Variants in CSTA observed in about 807,000 individuals in gnomAD.
CSTA encodes the protein cystatin-A.
CSTA carries 9 observed loss-of-function variants against 9.2 expected under a neutral mutation model. The ratio of observed to expected loss-of-function variants is 0.97; its 90% confidence interval spans 0.59 to 1.70. The LOEUF (loss-of-function observed/expected upper bound fraction) is 1.70, where lower values mean the gene tolerates loss of function less well. CSTA is among the 40% of genes most tolerant of loss of function. CSTA has a pLI of 0.00. For synonymous variants in CSTA, 36 were observed against 40.6 expected, an observed-to-expected ratio of 0.89 and a Z score of 0.43; for missense variants, 118 against 113.1, an observed-to-expected ratio of 1.04 and a Z score of -0.20.
chr3:122,325,383 A>T, intron 1 of CSTA, 25 bp downstream of exon 1: 1 of 1,609,670 alleles, frequency 6.2e-7, no homozygotes, highest in Non-Finnish European at 8.5e-7. Context: ...TTCAGGAAAA[A>T]GTCTGAGCCA....
intron 1 of CSTA, among the ~76,000 whole-genome samples, chr3:122,328,189 G>A (rs1285531718): frequency 1.3e-5 from 2 of 152,132 alleles, no homozygotes; most frequent in African/African-American, 4.8e-5. Flanking sequence ...ATGAAACCAA[G>A]ATTCAAAGAG....
intron 2 of CSTA, among the ~76,000 whole-genome samples, chr3:122,339,849 G>A (rs2075255770): frequency 6.6e-6 from 1 of 152,132 alleles, no homozygotes; most frequent in African/African-American, 2.4e-5. Context: ...TCCCCGATCA[G>A]TACCCCCCAA....
Position 122,340,027 on chromosome 3 carries a change from G to A in CSTA, c.169-1412G>A, listed in dbSNP as rs138213343. On this transcript the variant is annotated intron_variant, in intron 2 of 2. Transcript: ENST00000264474. Reference sequence around the variant, plus strand: ...ATTTCATTGCTCCACTTTTCTTCAGGCCTATAATATAGGTTAATATAATCA... The same window carrying A: ...ATTTCATTGCTCCACTTTTCTTCAGACCTATAATATAGGTTAATATAATCA... Among the ~76,000 whole-genome samples the A allele has an allele frequency of 5.3e-3, 803 of 152,194 alleles. 7 individuals are homozygous for A. The highest frequency in any genetic ancestry group is 9.0e-3 in the Non-Finnish European group (612 of 68,014).
chr3:122,340,273 C>A (rs1265569099), intron 2 of CSTA, among the ~76,000 whole-genome samples: 3 of 152,030 alleles, frequency 2.0e-5, no homozygotes, highest in African/African-American at 4.8e-5. Flanking sequence ...ACCTTCCTAC[C>A]AATGACTTCC....
intron 1 of CSTA, among the ~76,000 whole-genome samples, chr3:122,333,952 G>C (rs924959477): frequency 6.6e-6 from 1 of 152,130 alleles, no homozygotes; most frequent in Non-Finnish European, 1.5e-5. Flanking sequence ...GGATACTTTG[G>C]GGGTTAGTGT....
chr3:122,333,499 A>T (rs113987863), intron 1 of CSTA, among the ~76,000 whole-genome samples: 1 of 149,550 alleles, frequency 6.7e-6, no homozygotes, highest in Admixed American at 6.8e-5. Flanking sequence ...TGACAGAGCA[A>T]GACTCCATGA....
In CSTA at chr3:122,325,306, G is replaced by C. The variant is rs367941220; in HGVS notation, c.14G>C (p.Gly5Ala). 9.9e-6 allele frequency: 16 copies of C among 1,612,804 alleles called. No homozygotes were observed. The highest frequency in any genetic ancestry group is 5.4e-5 in the African/African-American group (4 of 74,762). The change falls in exon 1 of 3, where the codon GGC (glycine) becomes GCC (alanine). Residue 5 changes from glycine to alanine, a missense_variant. Physicochemically the swap from Gly to Ala is moderately conservative, Grantham distance 60. Transcript: ENST00000264474. ...CAATCAGCCAAAATGATACCTGGAGGCTTATCTGAGGCCAAACCCGCCACT... is the reference window on the plus strand; with the variant it reads ...CAATCAGCCAAAATGATACCTGGAGCCTTATCTGAGGCCAAACCCGCCACT... MIPG[G>A]LSEAKPATPE...
At chr3:122,338,484 A>G in intron 2 of CSTA, among the ~76,000 whole-genome samples, 1 of 132,072 alleles carries the variant, frequency 7.6e-6, no homozygotes, top group Non-Finnish European at 1.6e-5. Context: ...TAAACATTTT[A>G]AAAGATTTTT....
chr3:122,333,730 G>GAA (rs869158187), intron 1 of CSTA, among the ~76,000 whole-genome samples: 47 of 111,054 alleles, frequency 4.2e-4, no homozygotes, highest in African/African-American at 1.7e-3. Context: ...GAGAAAGAAA[G>GAA]AAAGAGAAAG....
intron 1 of CSTA, among the ~76,000 whole-genome samples, chr3:122,329,835 TG>T (rs1180594563): frequency 6.6e-6 from 1 of 152,254 alleles, no homozygotes; most frequent in Non-Finnish European, 1.5e-5. Flanking sequence ...TAGAGATTGC[TG>T]GTCAAACCTC....
At chr3:122,341,399 TGA>T in intron 2 of CSTA, 38 bp from the exon 3 acceptor site, 1 of 1,611,216 alleles carries the variant, frequency 6.2e-7, no homozygotes, top group South Asian at 1.1e-5. Flanking sequence ...CCCATTTGAA[TGA>T]ATCTCCTTTT....
intron 1 of CSTA, among the ~76,000 whole-genome samples, chr3:122,333,728 A>G (rs1242967583): frequency 1.4e-5 from 2 of 140,116 alleles, no homozygotes; most frequent in South Asian, 2.3e-4. Flanking sequence ...AAGAGAAAGA[A>G]AGAAAGAGAA....
In CSTA at chr3:122,340,733, G is replaced by A. The variant is rs527814561; in HGVS notation, c.169-706G>A. On this transcript the variant is annotated intron_variant, in intron 2 of 2. Transcript: ENST00000264474. ...ATCCCAAATTTTCTAGGGCAATTCTGATTTTCTTCTCCCTTATCAGACTGT... is the reference window on the plus strand; with the variant it reads ...ATCCCAAATTTTCTAGGGCAATTCTAATTTTCTTCTCCCTTATCAGACTGT... Among the ~76,000 whole-genome samples, 14 of 152,282 alleles carry A rather than the reference G, an allele frequency of 9.2e-5. No individual in the cohort carries two copies. The South Asian group carries it at 2.7e-3, about 29-fold the overall frequency.
chr3:122,326,543 A>G (rs1394569657), intron 1 of CSTA, among the ~76,000 whole-genome samples: 2 of 152,246 alleles, frequency 1.3e-5, no homozygotes, highest in East Asian at 3.8e-4. Context: ...TGTGATTATA[A>G]GAGTTGGGAT....
rs770962641 is a variant in CSTA, at chr3:122,341,443, G to A, written c.173G>A (p.Arg58Gln). ...VAGTNYYIKV[R>Q]AGDNKYMHLK... is the part of the protein sequence containing the mutation. ...TCTTTCTTTAATATTTTTCAGGTAC[G>A]AGCAGGTGATAATAAATATATGCAC... The change falls in exon 3 of 3, where the codon CGA (arginine) becomes CAA (glutamine). Residue 58 changes from arginine (R) to glutamine (Q), a missense_variant. Physicochemically the swap from Arg to Gln is conservative, Grantham distance 43 (BLOSUM62 1). Transcript: ENST00000264474. The A allele has an allele frequency of 5.6e-6, 9 of 1,613,638 alleles. No homozygotes were observed. The highest frequency in any genetic ancestry group is 5.3e-5 in the African/African-American group (4 of 74,874).
intron 2 of CSTA, among the ~76,000 whole-genome samples, chr3:122,338,675 C>A (rs2075248997): frequency 6.6e-6 from 1 of 152,108 alleles, no homozygotes; most frequent in Non-Finnish European, 1.5e-5. Flanking sequence ...CCTCAGAAAA[C>A]AATGGCACCA....
chr3:122,341,925 C>T lies in CSTA; in HGVS notation c.*358C>T, dbSNP rs935806655. 9 of 293,228 alleles carry T rather than the reference C, an allele frequency of 3.1e-5. No homozygotes were observed. The highest frequency in any genetic ancestry group is 4.8e-5 in the Admixed American group (1 of 20,854). 18.2% of individuals were successfully genotyped at this position (293,228 alleles called of 1,614,324 possible). On this transcript the variant is annotated 3_prime_UTR_variant, in exon 3 of 3. Transcript: ENST00000264474. ...TGTGGCTGCTGATAACCCAACATTCCATCTCTACCCTCATACTTCAAAATT... is the reference window on the plus strand; with the variant it reads ...TGTGGCTGCTGATAACCCAACATTCTATCTCTACCCTCATACTTCAAAATT...
intron 1 of CSTA, among the ~76,000 whole-genome samples, chr3:122,334,290 G>A (rs1414387119): frequency 6.6e-6 from 1 of 152,146 alleles, no homozygotes; most frequent in East Asian, 1.9e-4. Flanking sequence ...GAAATGGTCT[G>A]AGAACTCACA....
At chr3:122,338,891 T>C (rs1250202470) in intron 2 of CSTA, among the ~76,000 whole-genome samples, 1 of 152,188 alleles carries the variant, frequency 6.6e-6, no homozygotes, top group African/African-American at 2.4e-5. Flanking sequence ...AATTTCTGCT[T>C]GAAAATTTGT....
Sources: allele counts gnomAD v4.1 joint callset (sites outside exome capture counted in the v4.1 genomes callset), GRCh38; gene constraint gnomAD v4.1.1; transcripts MANE v1.5; gene names NCBI Gene and HGNC (gene_info 2026-07-23, HGNC 2026-07-21).